GPRC5D: variants seen among roughly 807,000 people sequenced by gnomAD.
GPRC5D encodes G protein-coupled receptor family C group 5 member D.
GPRC5D carries 20 observed loss-of-function variants against 29.3 expected under a neutral mutation model. The observed-to-expected ratio is 0.68, with a 90% confidence interval of 0.48 to 0.99. The LOEUF is 0.99. Among genes scored for constraint, GPRC5D ranks in the 50% least tolerant of loss-of-function variants. The pLI is 0.00. For missense variants in GPRC5D, 384 were observed against 423.6 expected (o/e 0.91, Z 0.82); for synonymous variants, 178 against 171.3 (o/e 1.04, Z -0.30).
exon 1 of GPRC5D, chr12:12,950,106 G>A (rs780593159): frequency 4.3e-6 from 7 of 1,614,022 alleles, no homozygotes; most frequent in South Asian, 3.3e-5. Context: ...CAAAGAGAAA[G>A]TAGCGTACGG....
Position 12,946,511 on chromosome 12 carries a change from T to C in GPRC5D, c.895+2979A>G, listed in dbSNP as rs145041105. On this transcript the variant is annotated intron_variant, in intron 1 of 2. Coordinates refer to ENST00000228887, the Ensembl canonical transcript of GPRC5D. ...GCTCTGTTGCCCAGGCTGGAGAGCA[T>C]TGGTGTGATCTCGGCTCACTGCAAC... Among the ~76,000 whole-genome samples the C allele has an allele frequency of 1.5e-3, 234 of 151,384 alleles. 6 individuals carry two copies. The East Asian group carries it at 0.038, about 24-fold the overall frequency.
chr12:12,942,248 C>G lies in GPRC5D; in HGVS notation c.963+13G>C. ...TAAGTCCCTCCTGGGTGAATATAGG[C>G]GAGTACATTTACCTGCGGCTGAATG... On this transcript the variant is annotated intron_variant, in intron 2 of 2. Transcript: ENST00000228887. 6.4e-7 allele frequency: 1 copy of G among 1,555,900 alleles called. No homozygotes were observed.
chr12:12,945,438 C>T (rs554845945), intron 1 of GPRC5D, among the ~76,000 whole-genome samples: 1 of 152,178 alleles, frequency 6.6e-6, no homozygotes, highest in Non-Finnish European at 1.5e-5. Flanking sequence ...TGATATTCTA[C>T]TCTAAGATTT....
chr12:12,949,700 G>C (rs547334306), exon 1 of GPRC5D: 1 of 1,604,968 alleles, frequency 6.2e-7, no homozygotes, highest in Admixed American at 1.7e-5. Flanking sequence ...TGGAACTGCG[G>C]GTTGCCTCTC....
chr12:12,944,825 CCTTCCTTCCTTCCTTCCTTCCTTCCT>C lies in GPRC5D; in HGVS notation c.896-2523_896-2498del, dbSNP rs1863246517. 6.4e-3 allele frequency among the ~76,000 whole-genome samples: 78 copies of C among 12,132 alleles called. 3 individuals are homozygous for C. Among genetic ancestry groups the C allele is most frequent in the Non-Finnish European group, 0.012 (49 of 4,098 alleles). 8.0% of individuals were successfully genotyped at this position (12,132 alleles called of 152,430 possible). On this transcript the variant is annotated intron_variant, in intron 1 of 2. Coordinates refer to ENST00000228887, the Ensembl canonical transcript of GPRC5D. ...CCCTTCCTTCCTTCCTTCCTTCCTT[CCTTCCTTCCTTCCTTCCTTCCTTCCT>C]TCTTTCTTTCTTTCTTTCTTTCTTT...
At chr12:12,950,382 C>T (rs766477284) in exon 1 of GPRC5D, 63 of 1,596,304 alleles carry the variant, frequency 3.9e-5, no homozygotes, top group Admixed American at 6.7e-5. Flanking sequence ...AGTCCTTGTA[C>T]ATGGTGACTT....
rs775198322 is a variant in GPRC5D, at chr12:12,942,249, G to A, written c.963+12C>T. 2.8e-5 allele frequency: 43 copies of A among 1,557,212 alleles called. No homozygotes were observed. The highest frequency in any genetic ancestry group is 1.1e-4 in the East Asian group (5 of 44,676). On this transcript the variant is annotated intron_variant, in intron 2 of 2. Coordinates refer to ENST00000228887, the Ensembl canonical transcript of GPRC5D. ...AAGTCCCTCCTGGGTGAATATAGGC[G>A]AGTACATTTACCTGCGGCTGAATGG...
chr12:12,947,623 G>T (rs1350663036), intron 1 of GPRC5D, among the ~76,000 whole-genome samples: 1 of 147,118 alleles, frequency 6.8e-6, no homozygotes, highest in Non-Finnish European at 1.5e-5. Context: ...GGAGTGCAGT[G>T]GTGTAACCGT....
chr12:12,947,372 C>T (rs1481811675), intron 1 of GPRC5D: 1 of 152,064 alleles, frequency 6.6e-6, no homozygotes, highest in African/African-American at 2.4e-5. Context: ...AGGTGGAATC[C>T]TGCACTTTTA....
chr12:12,949,338 A>C, intron 1 of GPRC5D, 152 bp downstream of exon 2: 2 of 642,360 alleles, frequency 3.1e-6, no homozygotes, highest in Admixed American at 5.6e-5. Flanking sequence ...TGATTCTGGG[A>C]GTCTGCATTT....
upstream of GPRC5D, chr12:12,950,404 C>A: frequency 6.5e-7 from 1 of 1,550,106 alleles, no homozygotes; most frequent in Non-Finnish European, 8.7e-7. Flanking sequence ...TGGGTGTGGA[C>A]CTCACCAGAA....
chr12:12,941,332 T>C (rs1470061301), intron 2 of GPRC5D, among the ~76,000 whole-genome samples: 2 of 152,218 alleles, frequency 1.3e-5, no homozygotes, highest in African/African-American at 2.4e-5. Context: ...AAGAATCTTT[T>C]TGCAAGCAAG....
chr12:12,943,116 T>C (rs1863194993), intron 1 of GPRC5D, among the ~76,000 whole-genome samples: 1 of 152,204 alleles, frequency 6.6e-6, no homozygotes, highest in Admixed American at 6.5e-5. Flanking sequence ...TTTTTAAAAT[T>C]GGGCATAATA....
chr12:12,945,009 TTCTC>T (rs538894357), intron 1 of GPRC5D, among the ~76,000 whole-genome samples: 129 of 150,314 alleles, frequency 8.6e-4, no homozygotes, highest in Non-Finnish European at 1.7e-3. Flanking sequence ...CTCTTTCTCT[TTCTC>T]TCTTTCTTTC....
chr12:12,940,905 C>A, intron 2 of GPRC5D, 56 bp from the exon 4 acceptor site: 1 of 1,167,908 alleles, frequency 8.6e-7, no homozygotes, highest in Non-Finnish European at 1.3e-6. Flanking sequence ...AAATGATATT[C>A]TCCAAAGTTA....
At chr12:12,942,303 C>G (rs1863173722) in exon 2 of GPRC5D, 1 of 1,613,052 alleles carries the variant, frequency 6.2e-7, no homozygotes, top group Non-Finnish European at 8.5e-7. Context: ...ATGCTACATC[C>G]TCCTCAGCTC....
chr12:12,941,728 G>A (rs117422282), intron 2 of GPRC5D, among the ~76,000 whole-genome samples: 1 of 152,284 alleles, frequency 6.6e-6, no homozygotes, highest in East Asian at 1.9e-4. Context: ...TGCTCCCTCT[G>A]TTTTTGCCTG....
At chr12:12,949,890 C>T (rs1039244893) in exon 1 of GPRC5D, 9 of 1,614,136 alleles carry the variant, frequency 5.6e-6, no homozygotes, top group Non-Finnish European at 7.6e-6. Context: ...CCACATTGAG[C>T]TGGCAGGGTG....
intron 1 of GPRC5D, among the ~76,000 whole-genome samples, chr12:12,943,466 T>C (rs1299175226): frequency 6.6e-6 from 1 of 152,182 alleles, no homozygotes; most frequent in African/African-American, 2.4e-5. Context: ...ATGACAGTCA[T>C]AACAGTAAGT....
Sources: allele counts gnomAD v4.1 joint callset (sites outside exome capture counted in the v4.1 genomes callset), GRCh38; gene constraint gnomAD v4.1.1; transcripts MANE v1.5; gene names NCBI Gene and HGNC (gene_info 2026-07-23, HGNC 2026-07-21).